The following OSTN variants were observed in gnomAD, a reference collection of about 807,000 sequenced individuals.
OSTN encodes the protein osteocrin.
OSTN carries 9 observed loss-of-function variants against 12.0 expected under a neutral mutation model. The ratio of observed to expected loss-of-function variants is 0.75; its 90% confidence interval spans 0.45 to 1.30. The LOEUF is 1.30. OSTN is among the 50% of genes most tolerant of loss of function. OSTN has a pLI of 0.00. For synonymous variants in OSTN, 59 were observed against 56.9 expected (o/e 1.04, Z -0.16); for missense variants, 148 against 152.3 (o/e 0.97, Z 0.15).
At chr3:191,261,461 ACC>A (rs1242334385) in intron 4 of OSTN, among the ~76,000 whole-genome samples, 2 of 152,122 alleles carry the variant, frequency 1.3e-5, no homozygotes, top group Non-Finnish European at 2.9e-5. Flanking sequence ...TGTAGATAAA[ACC>A]CAGCAGCCCT....
intron 4 of OSTN, among the ~76,000 whole-genome samples, chr3:191,262,192 C>T (rs1327110800): frequency 6.6e-6 from 1 of 152,130 alleles, no homozygotes; most frequent in African/African-American, 2.4e-5. Flanking sequence ...TGCACTCCAG[C>T]CTGGGCAAAC....
chr3:191,202,714 C>T (rs1714177779), intron 1 of OSTN, among the ~76,000 whole-genome samples: 1 of 152,092 alleles, frequency 6.6e-6, no homozygotes, highest in Middle Eastern at 3.2e-3. Context: ...CTCTGCAAGC[C>T]TTTTAATGCT....
At chr3:191,247,965 C>T (rs1460101092) in intron 3 of OSTN, among the ~76,000 whole-genome samples, 1 of 152,034 alleles carries the variant, frequency 6.6e-6, no homozygotes, top group African/African-American at 2.4e-5. Context: ...TCCCGAGTAG[C>T]TGGGATTACA....
In OSTN at chr3:191,264,098, A is replaced by G. The variant is rs998233804; in HGVS notation, c.*1245A>G. 1 of 152,172 alleles carries G rather than the reference A, an allele frequency of 6.6e-6. No homozygotes were observed. The highest frequency in any genetic ancestry group is 1.5e-5 in the Non-Finnish European group (1 of 67,982). The allele number at this position is 152,172 out of a possible 1,614,324, so 9.4% of individuals were successfully genotyped here. A position where few individuals can be genotyped will look rare whatever the true frequency, so the allele number is the denominator to read the frequency against. ...GTTTTGTCCAGTAGAGCAAAGGCTTATTTCAGCATAAAAAGAGAGTGTTGT... is the reference window on the plus strand; with the variant it reads ...GTTTTGTCCAGTAGAGCAAAGGCTTGTTTCAGCATAAAAAGAGAGTGTTGT... On this transcript the variant is annotated 3_prime_UTR_variant, in exon 5 of 5. Coordinates refer to ENST00000682035, the MANE Select transcript of OSTN (RefSeq NM_198184.2).
intron 2 of OSTN, among the ~76,000 whole-genome samples, chr3:191,213,927 A>T (rs1714532211): frequency 6.6e-6 from 1 of 152,132 alleles, no homozygotes; most frequent in South Asian, 2.1e-4. Flanking sequence ...GGTCATTTGC[A>T]TCCTTCCCAT....
chr3:191,232,945 G>A (rs1419828522), intron 3 of OSTN, among the ~76,000 whole-genome samples: 1 of 151,542 alleles, frequency 6.6e-6, no homozygotes. Context: ...ACAGGTTAAT[G>A]GAACTAAAGA....
chr3:191,237,192 G>A lies in OSTN; in HGVS notation c.318-12845G>A, dbSNP rs142171239. Among the ~76,000 whole-genome samples the A allele has an allele frequency of 2.6e-5, 4 of 152,226 alleles. No individual in the cohort carries two copies. In the East Asian group the frequency reaches 5.8e-4, roughly 22 times the overall value. ...ATGTAGAGGCAAAAGTCAATTATGC[G>A]TTGCCTCAAGCGACTTTCTACAAAG... is the stretch of plus-strand genomic sequence containing the variant. On this transcript the variant is annotated intron_variant, in intron 3 of 4. Transcript: ENST00000682035.
intron 4 of OSTN, among the ~76,000 whole-genome samples, chr3:191,255,046 G>A (rs1715640730): frequency 6.6e-6 from 1 of 152,194 alleles, no homozygotes; most frequent in Admixed American, 6.5e-5. Flanking sequence ...TTTCCTGGAA[G>A]ACAATTTTTC....
rs542678942 is a variant in OSTN, at chr3:191,256,806, A to G, written c.*13-6060A>G. 1.6e-4 allele frequency among the ~76,000 whole-genome samples: 25 copies of G among 152,298 alleles called. No homozygotes were observed. The South Asian group carries it at 3.9e-3, about 24-fold the overall frequency. On this transcript the variant is annotated intron_variant, in intron 4 of 4. Transcript: ENST00000682035. ...AACAAATCCATACAATTTCAGTTTT[A>G]TAACCTCTTACAATTTTTAAAATTT...
At chr3:191,237,473 G>A (rs569873297) in intron 3 of OSTN, among the ~76,000 whole-genome samples, 1 of 152,332 alleles carries the variant, frequency 6.6e-6, no homozygotes, top group South Asian at 2.1e-4. Context: ...TTTAGAGCAG[G>A]AATGAAAAGT....
chr3:191,255,513 C>T (rs994841212), intron 4 of OSTN, among the ~76,000 whole-genome samples: 18 of 152,154 alleles, frequency 1.2e-4, no homozygotes, highest in Non-Finnish European at 2.6e-4. Flanking sequence ...ATGAAATAAC[C>T]AGTGTCTGCA....
intron 3 of OSTN, among the ~76,000 whole-genome samples, chr3:191,228,051 T>C (rs1714958081): frequency 1.3e-5 from 2 of 152,296 alleles, no homozygotes; most frequent in Non-Finnish European, 2.9e-5. Context: ...TATCTCAGAA[T>C]AGCAATACCA....
At chr3:191,214,217 C>T (rs914698780) in intron 2 of OSTN, among the ~76,000 whole-genome samples, 1 of 151,900 alleles carries the variant, frequency 6.6e-6, no homozygotes, top group Non-Finnish European at 1.5e-5. Context: ...TTTAAAGTCA[C>T]CACTTGGATG....
chr3:191,222,737 T>C lies in OSTN; in HGVS notation c.317+3776T>C, dbSNP rs552147081. Among the ~76,000 whole-genome samples, 44 of 152,182 alleles carry C rather than the reference T, an allele frequency of 2.9e-4. No individual in the cohort carries two copies. The South Asian group carries it at 5.6e-3, about 19-fold the overall frequency. ...GTTTGTCTGTGTCCCCATCCAAATG[T>C]TGTCTTGAATTTTAGTTCCCATGAT... On this transcript the variant is annotated intron_variant, in intron 3 of 4. Transcript: ENST00000682035.
intron 4 of OSTN, among the ~76,000 whole-genome samples, chr3:191,251,348 T>G (rs1412933475): frequency 6.6e-6 from 1 of 152,190 alleles, no homozygotes; most frequent in East Asian, 1.9e-4. Context: ...ATATGTTTTC[T>G]TCCAATAGGA....
chr3:191,211,621 C>T (rs964299247), intron 1 of OSTN, among the ~76,000 whole-genome samples: 36 of 152,158 alleles, frequency 2.4e-4, no homozygotes, highest in African/African-American at 8.4e-4. Context: ...TCAACTCCAC[C>T]AGAATTTTTT....
chr3:191,248,861 A>T (rs1715496741), intron 3 of OSTN, among the ~76,000 whole-genome samples: 1 of 152,196 alleles, frequency 6.6e-6, no homozygotes, highest in East Asian at 1.9e-4. Flanking sequence ...AAGTGGGAAG[A>T]TCACTTGAGC....
chr3:191,240,474 C>A (rs565342511), intron 3 of OSTN, among the ~76,000 whole-genome samples: 4 of 152,310 alleles, frequency 2.6e-5, no homozygotes, highest in African/African-American at 9.6e-5. Flanking sequence ...TCTTCTCTCA[C>A]GGAATCTCAG....
intron 1 of OSTN, among the ~76,000 whole-genome samples, chr3:191,202,385 A>G (rs1264542708): frequency 6.6e-6 from 1 of 152,232 alleles, no homozygotes; most frequent in Non-Finnish European, 1.5e-5. Context: ...TTTCCACCTG[A>G]ACCAGGCTGT....
Sources: allele counts gnomAD v4.1 joint callset (sites outside exome capture counted in the v4.1 genomes callset), GRCh38; gene constraint gnomAD v4.1.1; transcripts MANE v1.5; gene names NCBI Gene and HGNC (gene_info 2026-07-23, HGNC 2026-07-21).